The following NR5A2 variants were observed in gnomAD, a reference collection of about 807,000 sequenced individuals.
NR5A2 encodes the protein nuclear receptor subfamily 5 group A member 2, also known as CYP7A promoter-binding factor.
A neutral mutation model predicts 62.7 loss-of-function variants in NR5A2; 26 were observed. The ratio of observed to expected loss-of-function variants is 0.41; its 90% CI spans 0.30 to 0.58. NR5A2 has a LOEUF of 0.58. NR5A2 is among the 20% of genes least tolerant of loss of function. The pLI is 0.22. For synonymous variants in NR5A2, 246 were observed against 241.7 expected (o/e 1.02, Z -0.16); for missense variants, 541 against 669.1 (o/e 0.81, Z 2.11).
intron 7 of NR5A2, among the ~76,000 whole-genome samples, chr1:200,145,866 C>T (rs73082685): frequency 0.022 from 3,407 of 152,232 alleles, 115 homozygotes; most frequent in African/African-American, 0.072. Flanking sequence ...GAAGGGCAGT[C>T]AGTTTATGCC....
rs576031428 is a variant in NR5A2 at position 200,040,838 on chromosome 1, C to T, written c.202+1043C>T. Reference sequence around the variant, plus strand: ...GCTCAGGCCGGGGGACCTGTAGTCGCCCTACCGCGGAGGGGAAAATACGTA... The same window carrying T: ...GCTCAGGCCGGGGGACCTGTAGTCGTCCTACCGCGGAGGGGAAAATACGTA... On this transcript the variant is annotated intron_variant, in intron 2 of 7. Transcript: ENST00000367362. Among the ~76,000 whole-genome samples the T allele has an allele frequency of 1.8e-4, 27 of 152,346 alleles. No individual in the cohort carries two copies. In the East Asian group the frequency reaches 5.2e-3, roughly 29 times the overall value.
intron 5 of NR5A2, among the ~76,000 whole-genome samples, chr1:200,104,064 C>T (rs1665525837): frequency 1.3e-5 from 2 of 152,064 alleles, no homozygotes; most frequent in Admixed American, 1.3e-4. Context: ...CTTTGTGCTG[C>T]ATTGGAGAAA....
intron 5 of NR5A2, among the ~76,000 whole-genome samples, chr1:200,101,845 T>C (rs1440901256): frequency 6.6e-6 from 1 of 152,186 alleles, no homozygotes; most frequent in African/African-American, 2.4e-5. Flanking sequence ...TGAAACGTGG[T>C]TAAGAGGAAG....
rs114370418 is a variant in NR5A2, at chr1:200,160,974, C to T, written c.1379-12989C>T. Among the ~76,000 whole-genome samples the T allele has an allele frequency of 8.0e-3, 1,080 of 135,730 alleles. 7 individuals are homozygous for T. Among genetic ancestry groups the T allele is most frequent in the South Asian group, 0.018 (75 of 4,216 alleles). 89.0% of individuals were successfully genotyped at this position (135,730 alleles called of 152,430 possible). A position where few individuals can be genotyped will look rare whatever the true frequency, so the allele number is the denominator to read the frequency against. ...GTGATGCTCAAAAACTGTTTCAGGA[C>T]GTGAGTACAAAAAAAAAAAAATAGT... On this transcript the variant is annotated intron_variant, in intron 7 of 7. Transcript: ENST00000367362.
At chr1:200,102,764 A>G (rs1039102025) in intron 5 of NR5A2, among the ~76,000 whole-genome samples, 2 of 152,198 alleles carry the variant, frequency 1.3e-5, no homozygotes, top group Non-Finnish European at 2.9e-5. Context: ...CGCTTACTCT[A>G]AGAATTTTGC....
chr1:200,099,488 A>G (rs888626216), intron 5 of NR5A2, among the ~76,000 whole-genome samples: 1 of 152,080 alleles, frequency 6.6e-6, no homozygotes, highest in African/African-American at 2.4e-5. Flanking sequence ...AAGGACCTTC[A>G]TTGTGCATCT....
intron 5 of NR5A2, among the ~76,000 whole-genome samples, chr1:200,059,670 CAT>C (rs536831495): frequency 6.0e-4 from 91 of 152,306 alleles, no homozygotes; most frequent in African/African-American, 1.9e-3. Context: ...AAACATGACT[CAT>C]ATGTGACATC....
intron 5 of NR5A2, among the ~76,000 whole-genome samples, chr1:200,106,879 G>A (rs1665700003): frequency 6.6e-6 from 1 of 152,054 alleles, no homozygotes; most frequent in Admixed American, 6.6e-5. Context: ...TAAAAACTAT[G>A]TTATCCAAAG....
chr1:200,067,287 T>C (rs1663528242), intron 5 of NR5A2, among the ~76,000 whole-genome samples: 2 of 152,156 alleles, frequency 1.3e-5, no homozygotes, highest in African/African-American at 4.8e-5. Context: ...CTGAGCGCGG[T>C]GGCTCACGCC....
chr1:200,101,755 G>A lies in NR5A2; in HGVS notation c.1111-9447G>A, dbSNP rs150087795. On this transcript the variant is annotated intron_variant, in intron 5 of 7. Transcript: ENST00000367362. Reference sequence around the variant, plus strand: ...AACAGAAAAGTCTACCAGGACTGCGGTGACAAAATTCCTGAGTCCCCAGAT... The same window carrying A: ...AACAGAAAAGTCTACCAGGACTGCGATGACAAAATTCCTGAGTCCCCAGAT... 8.3e-3 allele frequency among the ~76,000 whole-genome samples: 1,268 copies of A among 152,270 alleles called. 6 individuals carry two copies. Among genetic ancestry groups the A allele is most frequent in the Middle Eastern group, 0.014 (4 of 294 alleles).
chr1:200,167,402 T>C (rs996547496), intron 7 of NR5A2, among the ~76,000 whole-genome samples: 1 of 152,168 alleles, frequency 6.6e-6, no homozygotes, highest in Non-Finnish European at 1.5e-5. Flanking sequence ...CAAACCCTGT[T>C]GCATCAACCA....
intron 5 of NR5A2, chr1:200,057,557 C>G: frequency 3.1e-6 from 1 of 321,394 alleles, no homozygotes; most frequent in Non-Finnish European, 6.3e-6. Context: ...TGGCTCATGG[C>G]AACCTCCACC....
At chr1:200,064,306 C>T (rs1313424360) in intron 5 of NR5A2, among the ~76,000 whole-genome samples, 2 of 152,198 alleles carry the variant, frequency 1.3e-5, no homozygotes, top group Admixed American at 1.3e-4. Flanking sequence ...TTGGTTATGA[C>T]AGCACACTAA....
intron 5 of NR5A2, among the ~76,000 whole-genome samples, chr1:200,079,148 G>A (rs1664174799): frequency 6.6e-6 from 1 of 152,144 alleles, no homozygotes; most frequent in African/African-American, 2.4e-5. Flanking sequence ...CAGAACAAAT[G>A]TTATTGATAT....
chr1:200,039,532 G>GTCC lies in NR5A2; in HGVS notation c.65-124_65-122dup. ...CTGCGAGACCGGACAGGGCTCAGAG[G>GTCC]TCCTGCCCGGCAGCCCCGAGGAGGC... is the stretch of plus-strand genomic sequence containing the variant. On this transcript the variant is annotated intron_variant, in intron 1 of 7. Coordinates refer to ENST00000367362, the MANE Select transcript of NR5A2 (RefSeq NM_205860.3). The surrounding 1 kb of genome is among the most constrained non-coding windows in gnomAD (Gnocchi z 5.1). 7.2e-7 allele frequency: 1 copy of GTCC among 1,391,288 alleles called. No individual in the cohort carries two copies. Among genetic ancestry groups the GTCC allele is most frequent in the Non-Finnish European group, 1.0e-6 (1 of 1,004,208 alleles). 86.2% of individuals were successfully genotyped at this position (1,391,288 alleles called of 1,614,324 possible).
At chr1:200,085,953 T>C (rs575599355) in intron 5 of NR5A2, among the ~76,000 whole-genome samples, 13 of 152,298 alleles carry the variant, frequency 8.5e-5, no homozygotes, top group African/African-American at 3.1e-4. Flanking sequence ...ACAATTGTTT[T>C]AAGTCTGTGT....
At chr1:200,133,453 A>G (rs531095919) in intron 7 of NR5A2, among the ~76,000 whole-genome samples, 1 of 150,690 alleles carries the variant, frequency 6.6e-6, no homozygotes, top group East Asian at 2.0e-4. Context: ...ATTTTGTCCT[A>G]TCTTGGTTAT....
At chr1:200,046,313 T>G (rs1357376706) in intron 4 of NR5A2, among the ~76,000 whole-genome samples, 1 of 152,176 alleles carries the variant, frequency 6.6e-6, no homozygotes, top group Non-Finnish European at 1.5e-5. Flanking sequence ...GGCAGTAAAG[T>G]TAATATGTGA....
At chr1:200,149,255 G>A (rs1348242418) in intron 7 of NR5A2, among the ~76,000 whole-genome samples, 1 of 152,170 alleles carries the variant, frequency 6.6e-6, no homozygotes, top group African/African-American at 2.4e-5. Flanking sequence ...GCACTTCTTG[G>A]TGCTGTTTAC....
Sources: gnomAD v4.1 joint callset for allele counts (sites outside exome capture counted in the v4.1 genomes callset) on GRCh38, gnomAD v4.1.1 for gene constraint, Gnocchi (gnomAD v3.1) non-coding constraint, MANE v1.5 for transcripts, NCBI Gene and HGNC (gene_info 2026-07-23, HGNC 2026-07-21) for gene names.